PTPRZ1: variants seen among roughly 807,000 people sequenced by gnomAD.
The protein encoded by PTPRZ1 is receptor-type tyrosine-protein phosphatase zeta.
PTPRZ1 carries 82 observed loss-of-function variants against 214.1 expected under a neutral mutation model. The ratio of observed to expected loss-of-function variants is 0.38; its 90% CI spans 0.32 to 0.46. The LOEUF is 0.46. Ranked by LOEUF, PTPRZ1 falls within the 20% of genes least tolerant of loss-of-function variation. The probability of loss-of-function intolerance (pLI) is 1.00; values close to 1 mark genes in which losing one functional copy is unlikely to be tolerated. For missense variants in PTPRZ1, 2,603 were observed against 2,748.7 expected (o/e 0.95, Z 1.19); for synonymous variants, 945 against 987.9 (o/e 0.96, Z 0.81).
rs1246173566 is a variant in PTPRZ1 at position 122,034,333 on chromosome 7, C to T, written c.5239C>T (p.His1747Tyr). ...DLGITADSSNHPDNKHKNRYI... is the reference protein window; with the variant it reads ...DLGITADSSNYPDNKHKNRYI... Reference sequence around the variant, plus strand: ...AGGTATTACAGCAGACAGCTCCAACCACCCAGACAACAAGCACAAGAATCG... The same window carrying T: ...AGGTATTACAGCAGACAGCTCCAACTACCCAGACAACAAGCACAAGAATCG... Residue 1747 changes from histidine to tyrosine, a missense_variant, in exon 17 of 30, where the codon CAC becomes TAC. Coordinates refer to ENST00000393386, the MANE Select transcript of PTPRZ1 (RefSeq NM_002851.3). 7 of 1,613,370 alleles carry T rather than the reference C, an allele frequency of 4.3e-6. No homozygotes were observed. Among genetic ancestry groups the T allele is most frequent in the Non-Finnish European group, 5.1e-6 (6 of 1,179,662 alleles).
chr7:122,018,513 A>ATT (rs71530085), intron 12 of PTPRZ1, among the ~76,000 whole-genome samples: 130 of 145,372 alleles, frequency 8.9e-4, no homozygotes, highest in African/African-American at 2.8e-3. Context: ...CTGAAATTGC[A>ATT]TTTTTTTTTT....
At chr7:122,017,858 C>T (rs1798890744) in intron 12 of PTPRZ1, among the ~76,000 whole-genome samples, 1 of 152,068 alleles carries the variant, frequency 6.6e-6, no homozygotes, top group Non-Finnish European at 1.5e-5. Context: ...AGGCATGAGC[C>T]ACCACGCCCA....
In PTPRZ1 at chr7:121,996,720, T is replaced by A. The variant is rs73717777; in HGVS notation, c.1113+154T>A. 9.7e-3 allele frequency among the ~76,000 whole-genome samples: 1,475 copies of A among 152,252 alleles called. 17 individuals are homozygous for A. The highest frequency in any genetic ancestry group is 0.032 in the African/African-American group (1,336 of 41,540). On this transcript the variant is annotated intron_variant, in intron 9 of 29. Transcript: ENST00000393386. ...GAGTATTTTTAAATTTAAAAAAAAA[T>A]TTTAAATTAGAAGCTATACTAAATT...
rs1261961067 is a variant in PTPRZ1 at position 121,935,512 on chromosome 7, CGTTT to C, written c.124+7296_124+7299del. Among the ~76,000 whole-genome samples the C allele has an allele frequency of 6.6e-5, 10 of 151,160 alleles. No homozygotes were observed. In the East Asian group the frequency reaches 1.8e-3, roughly 27 times the overall value. ...TGTGGTTTTTGTTTGTTCGTTTGTTCGTTTGTTTTTGTTTTTGTTTTTTGGGGTT... is the reference window on the plus strand; with the variant it reads ...TGTGGTTTTTGTTTGTTCGTTTGTTCGTTTTTGTTTTTGTTTTTTGGGGTT... On this transcript the variant is annotated intron_variant, in intron 2 of 29. Transcript: ENST00000393386.
chr7:121,890,078 C>T (rs1033203971), intron 1 of PTPRZ1, among the ~76,000 whole-genome samples: 1 of 152,188 alleles, frequency 6.6e-6, no homozygotes, highest in Admixed American at 6.6e-5. Context: ...ACACTATTTG[C>T]ATGACTATCT....
chr7:122,012,252 C>T lies in PTPRZ1; in HGVS notation c.3206C>T (p.Thr1069Ile), dbSNP rs1173002277. 5 of 1,614,006 alleles carry T rather than the reference C, an allele frequency of 3.1e-6. No individual in the cohort carries two copies. Among genetic ancestry groups the T allele is most frequent in the Non-Finnish European group, 4.2e-6 (5 of 1,179,988 alleles). Residue 1069 changes from threonine to isoleucine, a missense_variant, in exon 12 of 30, where the codon ACA becomes ATA. Thr to Ile is a moderately conservative substitution (Grantham distance 89). This residue lies in a region of PTPRZ1 where 1,913 missense variants were observed against 1,914.3 expected (regional missense o/e 1.00). Transcript: ENST00000393386. ...FNEMVYPSES[T>I]VMPNMYDNVN... ...GAGATGGTTTACCCTTCTGAAAGCA[C>T]AGTCATGCCCAACATGTATGATAAT...
intron 1 of PTPRZ1, among the ~76,000 whole-genome samples, chr7:121,923,143 C>CCTCATG (rs1203357949): frequency 1.1e-4 from 16 of 152,106 alleles, no homozygotes; most frequent in African/African-American, 1.7e-4. Flanking sequence ...ACCTCTTGAT[C>CCTCATG]CTCATGCCTT....
chr7:121,888,697 G>A (rs917882137), intron 1 of PTPRZ1, among the ~76,000 whole-genome samples: 7 of 151,980 alleles, frequency 4.6e-5, no homozygotes, highest in South Asian at 2.1e-4. Flanking sequence ...TAATATGCCA[G>A]GACAAAATGT....
At chr7:122,023,820 T>C (rs1320571019) in intron 13 of PTPRZ1, among the ~76,000 whole-genome samples, 1 of 126,940 alleles carries the variant, frequency 7.9e-6, no homozygotes, top group Admixed American at 9.2e-5. Context: ...ATATATTATA[T>C]GTATAATTTT....
In PTPRZ1 at chr7:122,010,979, G is replaced by A; in HGVS notation, c.1933G>A (p.Asp645Asn). 6.2e-7 allele frequency: 1 copy of A among 1,614,124 alleles called. No homozygotes were observed. The highest frequency in any genetic ancestry group is 1.1e-5 in the South Asian group (1 of 91,086). The part of the protein sequence containing the change: ...TSSGSEESLK[D>N]PSMEGNVWFP... ...ATCAGGTTCAGAAGAATCACTAAAGGATCCTTCTATGGAGGGAAATGTGTG... is the reference window on the plus strand; with the variant it reads ...ATCAGGTTCAGAAGAATCACTAAAGAATCCTTCTATGGAGGGAAATGTGTG... The change falls in exon 12 of 30, where the codon GAT (aspartate) becomes AAT (asparagine). Residue 645 changes from aspartate (D) to asparagine (N), a missense_variant. Physicochemically the swap from Asp to Asn is conservative, Grantham distance 23. This residue lies in a region of PTPRZ1 where 1,913 missense variants were observed against 1,914.3 expected (regional missense o/e 1.00). Transcript: ENST00000393386.
intron 1 of PTPRZ1, among the ~76,000 whole-genome samples, chr7:121,900,346 G>C (rs1794921246): frequency 1.3e-5 from 2 of 152,160 alleles, no homozygotes; most frequent in East Asian, 1.9e-4. Context: ...ATACCTTTCT[G>C]TCTGTCCCAG....
intron 1 of PTPRZ1, among the ~76,000 whole-genome samples, chr7:121,910,360 C>T (rs1192382827): frequency 6.6e-6 from 1 of 152,186 alleles, no homozygotes; most frequent in African/African-American, 2.4e-5. Context: ...TTAAATACTG[C>T]ATGATTAAGT....
At chr7:121,953,199 G>T (rs1221746691) in intron 2 of PTPRZ1, among the ~76,000 whole-genome samples, 1 of 151,988 alleles carries the variant, frequency 6.6e-6, no homozygotes, top group African/African-American at 2.4e-5. Context: ...CTTTAATTTG[G>T]GTATTAATTT....
At chr7:121,927,297 T>G (rs1040896915) in intron 1 of PTPRZ1, among the ~76,000 whole-genome samples, 1 of 152,204 alleles carries the variant, frequency 6.6e-6, no homozygotes, top group Admixed American at 6.5e-5. Context: ...TTACCCACAG[T>G]GTAGCTGAAA....
chr7:122,048,253 G>C (rs1243451072), intron 23 of PTPRZ1, among the ~76,000 whole-genome samples: 1 of 151,708 alleles, frequency 6.6e-6, no homozygotes, highest in African/African-American at 2.4e-5. Flanking sequence ...ATTAAATAAA[G>C]ATTTAACAAA....
intron 17 of PTPRZ1, 135 bp downstream of exon 17, chr7:122,034,513 T>C: frequency 1.5e-6 from 1 of 670,922 alleles, no homozygotes; most frequent in Non-Finnish European, 2.6e-6. Context: ...ATAATAAGAC[T>C]TGTGTTAGAT....
Position 122,061,110 on chromosome 7 carries a change from C to T in PTPRZ1, c.6838C>T (p.Leu2280Phe). The stretch of plus-strand genomic sequence containing the variant: ...GTATCAGTTTCTCTACAAAGTGATC[C>T]TCAGCCTTGTGAGCACAAGGCAGGA... Reference protein sequence around the residue: ...EQYQFLYKVILSLVSTRQEEN... With the variant: ...EQYQFLYKVIFSLVSTRQEEN... Residue 2280 changes from leucine to phenylalanine, a missense_variant, in exon 30 of 30, where the codon CTC (leucine) becomes TTC (phenylalanine). Leu to Phe is a conservative substitution (Grantham distance 22, BLOSUM62 0). Around this residue, in one of 6 missense-constraint regions of PTPRZ1, gnomAD observed 165 missense variants for 151.4 expected, o/e 1.09. Coordinates refer to ENST00000393386, the MANE Select transcript of PTPRZ1 (RefSeq NM_002851.3). The T allele has an allele frequency of 6.2e-7, 1 of 1,610,614 alleles. No individual in the cohort carries two copies. The highest frequency in any genetic ancestry group is 8.5e-7 in the Non-Finnish European group (1 of 1,177,728).
Position 121,873,444 on chromosome 7 carries a change from T to C in PTPRZ1, c.-56T>C. On this transcript the variant is annotated 5_prime_UTR_variant, in exon 1 of 30. Transcript: ENST00000393386. ...AAACATTTCCTTCGCTCCCCCTCCC[T>C]CTCCACTCTGAGAAGCAGAGGAGCC... The C allele has an allele frequency of 6.4e-7, 1 of 1,574,574 alleles. No individual in the cohort carries two copies. Among genetic ancestry groups the C allele is most frequent in the Middle Eastern group, 1.9e-4 (1 of 5,276 alleles).
intron 1 of PTPRZ1, among the ~76,000 whole-genome samples, chr7:121,888,705 T>A (rs1389861174): frequency 6.6e-6 from 1 of 152,138 alleles, no homozygotes; most frequent in Non-Finnish European, 1.5e-5. Context: ...CAGGACAAAA[T>A]GTAATTGTTA....
Sources: gnomAD v4.1 joint callset for allele counts (sites outside exome capture counted in the v4.1 genomes callset) on GRCh38, gnomAD v4.1.1 for gene constraint, gnomAD v4.1.1 regional missense constraint, MANE v1.5 for transcripts, NCBI Gene and HGNC (gene_info 2026-07-23, HGNC 2026-07-21) for gene names.